NCOR2: variants seen among roughly 807,000 people sequenced by gnomAD.
The protein encoded by NCOR2 is CTG repeat protein 26.
Under a neutral mutation model 262.9 loss-of-function variants are expected in NCOR2, and 81 were observed. The ratio of observed to expected loss-of-function variants is 0.31; its 90% CI spans 0.26 to 0.37. The LOEUF (loss-of-function observed/expected upper bound fraction) is 0.37, where lower values mean the gene tolerates loss of function less well. Ranked by LOEUF, NCOR2 falls within the 10% of genes least tolerant of loss-of-function variation. The probability of loss-of-function intolerance (pLI) is 1.00; values close to 1 mark genes in which losing one functional copy is unlikely to be tolerated. For missense variants in NCOR2, 3,385 were observed against 3,621.4 expected (o/e 0.93, Z 1.68); for synonymous variants, 1,659 against 1,559.3 (o/e 1.06, Z -1.51).
intron 22 of NCOR2, among the ~76,000 whole-genome samples, chr12:124,360,617 G>A (rs573478284): frequency 1.3e-5 from 2 of 152,188 alleles, no homozygotes; most frequent in South Asian, 2.1e-4. Flanking sequence ...GGCCTGAGAG[G>A]CCCCACACAA....
intron 1 of NCOR2, among the ~76,000 whole-genome samples, chr12:124,509,470 C>T (rs1268081916): frequency 3.9e-5 from 6 of 152,206 alleles, no homozygotes; most frequent in Admixed American, 2.6e-4. Flanking sequence ...ATGCAGGAGG[C>T]AGAGGGAGTC....
chr12:124,537,921 AG>A (rs1175248119), upstream of NCOR2: 3 of 152,228 alleles, frequency 2.0e-5, no homozygotes, highest in East Asian at 5.8e-4. Flanking sequence ...CATCAGCTCC[AG>A]AGACAGGCCC....
intron 14 of NCOR2, among the ~76,000 whole-genome samples, chr12:124,401,477 A>C (rs1164862736): frequency 1.3e-5 from 2 of 152,216 alleles, no homozygotes; most frequent in Non-Finnish European, 2.9e-5. Flanking sequence ...TTATAGGGCC[A>C]TTTTATTCGC....
chr12:124,402,692 G>A (rs886829489), intron 13 of NCOR2, 131 bp from the exon 16 acceptor site: 2 of 1,477,786 alleles, frequency 1.4e-6, no homozygotes, highest in African/African-American at 2.8e-5. Context: ...CCCAGAAGAG[G>A]TCATAAACAA....
At chr12:124,361,871 G>A (rs1186362600) in intron 22 of NCOR2, among the ~76,000 whole-genome samples, 4 of 152,264 alleles carry the variant, frequency 2.6e-5, no homozygotes, top group Non-Finnish European at 5.9e-5. Flanking sequence ...AACCACCCCA[G>A]GCCTGATTTG....
intron 16 of NCOR2, among the ~76,000 whole-genome samples, chr12:124,392,104 C>T (rs570294853): frequency 1.5e-4 from 23 of 152,210 alleles, no homozygotes; most frequent in Non-Finnish European, 3.1e-4. Context: ...CGCCACGTGA[C>T]GACAGGCATC....
At chr12:124,347,980 A>G in intron 29 of NCOR2, 69 bp from the exon 32 acceptor site, 1 of 1,505,510 alleles carries the variant, frequency 6.6e-7, no homozygotes, top group Admixed American at 2.0e-5. Context: ...GACAGGGGTC[A>G]GTGTTTACAG....
intron 7 of NCOR2, among the ~76,000 whole-genome samples, chr12:124,447,817 C>T (rs111930690): frequency 0.024 from 3,699 of 152,098 alleles, 69 homozygotes; most frequent in Middle Eastern, 0.051. Context: ...CCTCCTTCGC[C>T]TCCTGAGTAC....
At position 124,372,347 on chromosome 12, in the gene NCOR2, CCTT is replaced by C. The variant is rs546202475; in HGVS notation, c.2479_2481del (p.Lys827del). The C allele has an allele frequency of 1.6e-5, 24 of 1,516,756 alleles. No homozygotes were observed. The South Asian group carries it at 2.0e-4, about 12-fold the overall frequency. 94.0% of individuals were successfully genotyped at this position (1,516,756 alleles called of 1,614,324 possible). ...GGGGGCGCTGCTGCGGTCTCCTCCT[CCTT>C]CTCCTCCTTGGGGACCACAGGAGGA... On this transcript the variant is annotated inframe_deletion, in exon 20 of 47. Coordinates refer to ENST00000405201, the Ensembl canonical transcript of NCOR2.
intron 1 of NCOR2, among the ~76,000 whole-genome samples, chr12:124,505,470 T>A (rs2048993875): frequency 6.6e-6 from 1 of 152,090 alleles, no homozygotes; most frequent in South Asian, 2.1e-4. Context: ...GCAGGAGCTA[T>A]GGAGGCTGTG....
intron 12 of NCOR2, among the ~76,000 whole-genome samples, chr12:124,420,718 C>T (rs899280909): frequency 5.3e-5 from 8 of 152,348 alleles, no homozygotes; most frequent in Middle Eastern, 3.4e-3. Context: ...AGTGATGCCA[C>T]GATGCCCCCA....
At chr12:124,446,346 C>A (rs778387108) in intron 7 of NCOR2, among the ~76,000 whole-genome samples, 11 of 152,224 alleles carry the variant, frequency 7.2e-5, no homozygotes, top group Non-Finnish European at 1.2e-4. Context: ...AAAGTCTGAT[C>A]ACATTGCTTC....
At chr12:124,552,627 T>C (rs1422707263) in intron 1 of NCOR2, among the ~76,000 whole-genome samples, 1 of 152,194 alleles carries the variant, frequency 6.6e-6, no homozygotes, top group Non-Finnish European at 1.5e-5. Context: ...GCAAGCATCC[T>C]CTGTAACAAT....
intron 1 of NCOR2, chr12:124,518,048 C>G (rs1168299493): frequency 6.6e-6 from 1 of 152,622 alleles, no homozygotes; most frequent in Non-Finnish European, 1.5e-5. Flanking sequence ...GGCCACAGCC[C>G]CCCACCCCAG....
At chr12:124,333,779 G>A (rs2035479429) in intron 41 of NCOR2, among the ~76,000 whole-genome samples, 1 of 152,066 alleles carries the variant, frequency 6.6e-6, no homozygotes, top group South Asian at 2.1e-4. Flanking sequence ...GGCGGGGGTG[G>A]GAGTGGGAGT....
At chr12:124,512,272 G>A (rs2049436893) in intron 1 of NCOR2, among the ~76,000 whole-genome samples, 2 of 152,230 alleles carry the variant, frequency 1.3e-5, no homozygotes, top group South Asian at 2.1e-4. Context: ...CAAGGCGTCA[G>A]CAGGACCCTA....
chr12:124,326,236 T>C, exon 46 of NCOR2: 1 of 1,543,860 alleles, frequency 6.5e-7, no homozygotes, highest in Non-Finnish European at 8.7e-7. Context: ...GTGAGCGGCG[T>C]CCGGCGGTTG....
intron 14 of NCOR2, 49 bp downstream of exon 16, chr12:124,402,355 C>T (rs537494914): frequency 9.3e-6 from 15 of 1,607,648 alleles, no homozygotes; most frequent in African/African-American, 2.7e-5. Flanking sequence ...GTGTGCCACC[C>T]GGGTTGGGTC....
At chr12:124,487,243 T>TGGATGGTG (rs1369079039) in intron 1 of NCOR2, among the ~76,000 whole-genome samples, 1 of 152,078 alleles carries the variant, frequency 6.6e-6, no homozygotes, top group Non-Finnish European at 1.5e-5. Context: ...AGGAGAAGGA[T>TGGATGGTG]GGATGGTGGC....
Sources: gnomAD v4.1 joint callset for allele counts (sites outside exome capture counted in the v4.1 genomes callset) on GRCh38, gnomAD v4.1.1 for gene constraint, MANE v1.5 for transcripts, NCBI Gene and HGNC (gene_info 2026-07-23, HGNC 2026-07-21) for gene names.